ZNF644: variants seen among roughly 807,000 people sequenced by gnomAD.
The protein encoded by ZNF644 is zinc finger motif enhancer binding protein 2.
Under a neutral mutation model 108.0 loss-of-function variants are expected in ZNF644, and 20 were observed. The ratio of observed to expected loss-of-function variants is 0.19; its 90% confidence interval spans 0.13 to 0.27. ZNF644 has a LOEUF of 0.27. Among genes scored for constraint, ZNF644 ranks in the 10% least tolerant of loss-of-function variants. ZNF644 has a pLI of 1.00. For missense variants in ZNF644, 1,338 were observed against 1,548.9 expected, an observed-to-expected ratio of 0.86 and a Z score of 2.29; for synonymous variants, 542 against 539.1, an observed-to-expected ratio of 1.01 and a Z score of -0.08.
At chr1:90,953,630 T>C (rs180847934) in intron 2 of ZNF644, among the ~76,000 whole-genome samples, 2 of 152,278 alleles carry the variant, frequency 1.3e-5, no homozygotes, top group Non-Finnish European at 2.9e-5. Context: ...AAGTATTCTA[T>C]TGTAGCTGGG....
chr1:90,989,320 G>A (rs1318117697), intron 1 of ZNF644, among the ~76,000 whole-genome samples: 1 of 152,106 alleles, frequency 6.6e-6, no homozygotes, highest in Non-Finnish European at 1.5e-5. Context: ...AGGCTGAGGT[G>A]GGAGGATCGC....
intron 2 of ZNF644, among the ~76,000 whole-genome samples, chr1:90,943,894 A>G (rs1652261118): frequency 6.6e-6 from 1 of 152,258 alleles, no homozygotes; most frequent in African/African-American, 2.4e-5. Context: ...TAGAAAACAT[A>G]AAACGCTTCA....
At chr1:90,961,089 C>A (rs377422215) in intron 2 of ZNF644, among the ~76,000 whole-genome samples, 3 of 151,930 alleles carry the variant, frequency 2.0e-5, no homozygotes, top group Admixed American at 6.6e-5. Context: ...GAATAAAAAG[C>A]GATACAAGTG....
rs1396991033 is a variant in ZNF644, at chr1:90,940,509, T to A, written c.845A>T (p.His282Leu). The A allele has an allele frequency of 6.2e-7, 1 of 1,613,720 alleles. No individual in the cohort carries two copies. The highest frequency in any genetic ancestry group is 8.5e-7 in the Non-Finnish European group (1 of 1,179,878). ...TTTTTTTTCTAGACCTATTTTAGAA[T>A]GAGGTGGAGCTTTATCTACTGTTTC... Reference protein sequence around the residue: ...NEETVDKAPPHSKIGLEKKRK... With the variant: ...NEETVDKAPPLSKIGLEKKRK... The change falls in exon 3 of 6, where the codon CAT becomes CTT. Residue 282 changes from histidine to leucine, a missense_variant. His to Leu is a moderately conservative substitution (Grantham distance 99). Coordinates refer to ENST00000337393, the MANE Select transcript of ZNF644 (RefSeq NM_201269.3).
chr1:90,937,568 A>C lies in ZNF644; in HGVS notation c.3605T>G (p.Phe1202Cys). Reference protein sequence around the residue: ...KIHNQTARKRFVQKCVLPLNE... With the variant: ...KIHNQTARKRCVQKCVLPLNE... ...TAATGGAAGAACGCATTTCTGAACG[A>C]ATCTCTTTCTTGCTGTCTGATTATG... The change falls in exon 4 of 6, where the codon TTC becomes TGC. Residue 1202 changes from phenylalanine (F) to cysteine (C), a missense_variant. This residue lies in a region of ZNF644 where 287 missense variants were observed against 310.9 expected (regional missense o/e 0.92). Coordinates refer to ENST00000337393, the MANE Select transcript of ZNF644 (RefSeq NM_201269.3). 1 of 1,613,936 alleles carries C rather than the reference A, an allele frequency of 6.2e-7. No individual in the cohort carries two copies. Among genetic ancestry groups the C allele is most frequent in the East Asian group, 2.2e-5 (1 of 44,866 alleles).
intron 2 of ZNF644, among the ~76,000 whole-genome samples, chr1:90,958,380 T>G (rs1467516754): frequency 6.6e-6 from 1 of 152,056 alleles, no homozygotes. Flanking sequence ...AGACTTAGTA[T>G]TGTTAAGATG....
intron 4 of ZNF644, chr1:90,935,569 C>G (rs1651223847): frequency 1.0e-6 from 1 of 985,434 alleles, no homozygotes; most frequent in African/African-American, 1.7e-5. Context: ...GTTCTCACTT[C>G]AAAAAGTGAA....
intron 1 of ZNF644, among the ~76,000 whole-genome samples, chr1:90,988,163 C>T (rs1042752343): frequency 6.6e-6 from 1 of 151,182 alleles, no homozygotes; most frequent in African/African-American, 2.4e-5. Context: ...CTTAAATTTT[C>T]AAGAAAAAAA....
At chr1:90,965,062 T>C (rs1452137294) in intron 2 of ZNF644, among the ~76,000 whole-genome samples, 1 of 151,688 alleles carries the variant, frequency 6.6e-6, no homozygotes, top group Admixed American at 6.6e-5. Context: ...GGGGAAGGAG[T>C]GAGGAGAGTA....
At chr1:91,012,114 A>G (rs572985235) in intron 1 of ZNF644, among the ~76,000 whole-genome samples, 3 of 152,246 alleles carry the variant, frequency 2.0e-5, no homozygotes, top group South Asian at 2.1e-4. Context: ...ACTGGGGGGA[A>G]AAAAGGGCCA....
chr1:91,002,921 C>T (rs1329447975), intron 1 of ZNF644, among the ~76,000 whole-genome samples: 2 of 152,024 alleles, frequency 1.3e-5, no homozygotes, highest in Non-Finnish European at 2.9e-5. Flanking sequence ...CCAAAAGACA[C>T]ATGAAAAAAT....
At chr1:90,986,481 T>C (rs1657109947) in intron 1 of ZNF644, among the ~76,000 whole-genome samples, 1 of 152,044 alleles carries the variant, frequency 6.6e-6, no homozygotes, top group Non-Finnish European at 1.5e-5. Context: ...TTAATAATAA[T>C]GTGTCAATAT....
intron 1 of ZNF644, among the ~76,000 whole-genome samples, chr1:90,991,974 A>G (rs1657678622): frequency 6.6e-6 from 1 of 152,208 alleles, no homozygotes; most frequent in Non-Finnish European, 1.5e-5. Context: ...AATATGTAGG[A>G]CTGAACTAAT....
chr1:90,938,361 A>C lies in ZNF644; in HGVS notation c.2993T>G (p.Val998Gly), dbSNP rs1482248547. The C allele has an allele frequency of 3.7e-6, 6 of 1,614,000 alleles. No homozygotes were observed. The highest frequency in any genetic ancestry group is 5.1e-6 in the Non-Finnish European group (6 of 1,179,890). Reference protein sequence around the residue: ...RAGLSYEARHVVSPEQIATSD... With the variant: ...RAGLSYEARHGVSPEQIATSD... ...TGTGGCTATTTGTTCTGGTGATACA[A>C]CATGACGGGCTTCATAGCTTAATCC... The change falls in exon 3 of 6, where the codon GTT becomes GGT. Residue 998 changes from valine (V) to glycine (G), a missense_variant. Val to Gly is a moderately radical substitution (Grantham distance 109). Transcript: ENST00000337393. This position sits in a 1 kb window ranked among gnomAD's most constrained non-coding sequence, Gnocchi z 4.2.
rs1230510870 is a variant in ZNF644, at chr1:90,938,684, G to A, written c.2670C>T (p.Phe890=). ...CTTCCACTTTGCTCTTAAATAAAGG[G>A]AATAAATTTACATGCTCTTGATTAA... ...SDINQEHVNL[F]PLFKSKVEGQ... The change falls in exon 3 of 6, where the codon TTC becomes TTT. Residue 890 remains phenylalanine, a synonymous_variant. Coordinates refer to ENST00000337393, the MANE Select transcript of ZNF644 (RefSeq NM_201269.3). The surrounding 1 kb of genome is among the most constrained non-coding windows in gnomAD (Gnocchi z 4.2). 1.9e-6 allele frequency: 3 copies of A among 1,612,420 alleles called. No homozygotes were observed. Among genetic ancestry groups the A allele is most frequent in the South Asian group, 1.1e-5 (1 of 90,396 alleles).
At chr1:90,917,145 A>C (rs1196789379) in intron 5 of ZNF644, among the ~76,000 whole-genome samples, 155 bp from the exon 6 acceptor site, 1 of 152,212 alleles carries the variant, frequency 6.6e-6, no homozygotes, top group Non-Finnish European at 1.5e-5. Context: ...AAAACATCAA[A>C]ACTCCCAATT....
chr1:90,949,794 T>C (rs1343475052), intron 2 of ZNF644, among the ~76,000 whole-genome samples: 1 of 152,166 alleles, frequency 6.6e-6, no homozygotes, highest in East Asian at 1.9e-4. Context: ...AGTTTGGTAT[T>C]CTTGCAGGGT....
intron 1 of ZNF644, among the ~76,000 whole-genome samples, chr1:90,988,900 A>C (rs915154599): frequency 6.6e-6 from 1 of 152,198 alleles, no homozygotes; most frequent in Admixed American, 6.5e-5. Flanking sequence ...ATGGATAAAG[A>C]CCAAAGCATA....
rs374254241 is a variant in ZNF644 at position 90,939,137 on chromosome 1, C to T, written c.2217G>A (p.Leu739=). The part of the protein sequence containing the change: ...KSNAKANSHY[L]YRHKYENYRM... ...TATAGTTTTCATATTTGTGTCTATA[C>T]AAATAGTGGCTATTTGCCTTGGCAT... is the stretch of plus-strand genomic sequence containing the variant. The change falls in exon 3 of 6, where the codon TTG becomes TTA. Residue 739 remains leucine (L), a synonymous_variant. Transcript: ENST00000337393. 9 of 1,613,806 alleles carry T rather than the reference C, an allele frequency of 5.6e-6. No homozygotes were observed. In the African/African-American group the frequency reaches 1.1e-4, roughly 19 times the overall value.
Sources: allele counts gnomAD v4.1 joint callset (sites outside exome capture counted in the v4.1 genomes callset), GRCh38; gene constraint gnomAD v4.1.1; regional missense constraint gnomAD v4.1.1; non-coding constraint Gnocchi (gnomAD v3.1); transcripts MANE v1.5; gene names NCBI Gene and HGNC (gene_info 2026-07-23, HGNC 2026-07-21).